USP4: variants seen among roughly 807,000 people sequenced by gnomAD.
The protein encoded by USP4 is ubiquitin specific peptidase 4.
Under a neutral mutation model 118.2 loss-of-function variants are expected in USP4, and 72 were observed. The ratio of observed to expected loss-of-function variants is 0.61; its 90% CI spans 0.50 to 0.74. The LOEUF (loss-of-function observed/expected upper bound fraction) is 0.74. USP4 is among the 30% of genes least tolerant of loss of function. The probability of loss-of-function intolerance (pLI) is 0.00; values close to 1 mark genes in which losing one functional copy is unlikely to be tolerated. For missense variants in USP4, 1,037 were observed against 1,185.7 expected, an observed-to-expected ratio of 0.87 and a Z score of 1.84; for synonymous variants, 415 against 440.4, an observed-to-expected ratio of 0.94 and a Z score of 0.72.
chr3:49,295,543 T>G (rs1264314593), intron 13 of USP4, among the ~76,000 whole-genome samples: 1 of 152,042 alleles, frequency 6.6e-6, no homozygotes, highest in Non-Finnish European at 1.5e-5. Flanking sequence ...AAATGTGTCT[T>G]ACTTAGTGAA....
Position 49,286,181 on chromosome 3 carries a change from A to G in USP4, c.2117T>C (p.Leu706Pro), listed in dbSNP as rs758636661. ...KIKGQPCPKR[L>P]FTFSLVNSYG... is the part of the protein sequence containing the mutation. ...GGAGTTCACAAGACTGAAGGTAAAA[A>G]GCCTTTTTGGGCAGGGCTGGCCTTT... The change falls in exon 16 of 22, where the codon CTT becomes CCT. Residue 706 changes from leucine to proline, a missense_variant. By Grantham distance (98) the Leu-to-Pro change is moderately conservative. Coordinates refer to ENST00000265560, the MANE Select transcript of USP4 (RefSeq NM_003363.4). 2.9e-5 allele frequency: 47 copies of G among 1,614,174 alleles called. 5 individuals are homozygous for G. The South Asian group carries it at 5.1e-4, about 17-fold the overall frequency.
intron 1 of USP4, 124 bp downstream of exon 1, chr3:49,339,800 C>CA: frequency 1.4e-6 from 1 of 703,398 alleles, no homozygotes; most frequent in Non-Finnish European, 2.4e-6. Flanking sequence ...GGGCAGGTGT[C>CA]AGGCTACTCT....
chr3:49,326,054 C>T (rs973264208), intron 3 of USP4, among the ~76,000 whole-genome samples: 4 of 152,134 alleles, frequency 2.6e-5, no homozygotes, highest in African/African-American at 7.2e-5. Context: ...TGGTGGCTCA[C>T]GCTTGTAATC....
chr3:49,285,321 C>T (rs2047081313), intron 16 of USP4, among the ~76,000 whole-genome samples: 2 of 151,926 alleles, frequency 1.3e-5, no homozygotes, highest in African/African-American at 4.8e-5. Flanking sequence ...AAAAAGAGAC[C>T]CCTACATCGC....
intron 1 of USP4, 93 bp from the exon 2 acceptor site, chr3:49,335,689 G>A: frequency 6.8e-7 from 1 of 1,469,174 alleles, no homozygotes; most frequent in Non-Finnish European, 9.4e-7. Context: ...CCTTCCACTT[G>A]GGGCATATGC....
chr3:49,317,260 A>G, intron 6 of USP4: 1 of 1,540,380 alleles, frequency 6.5e-7, no homozygotes, highest in Non-Finnish European at 8.9e-7. Context: ...CTTGCGTGCC[A>G]GGTTCTCGTT....
chr3:49,325,218 G>A (rs199697165), intron 4 of USP4, among the ~76,000 whole-genome samples, 179 bp from the exon 5 acceptor site: 1 of 152,072 alleles, frequency 6.6e-6, no homozygotes, highest in East Asian at 1.9e-4. Context: ...TCATATGCCT[G>A]GAAAGTATCC....
At chr3:49,278,647 G>A (rs1283988127) in intron 21 of USP4, among the ~76,000 whole-genome samples, 167 bp downstream of exon 21, 1 of 152,142 alleles carries the variant, frequency 6.6e-6, no homozygotes, top group Admixed American at 6.6e-5. Flanking sequence ...GAGGAGAGCT[G>A]AGCTTCTCAT....
chr3:49,328,511 T>G (rs1032110107), intron 2 of USP4, among the ~76,000 whole-genome samples: 1 of 152,132 alleles, frequency 6.6e-6, no homozygotes. Flanking sequence ...GAAACCATTT[T>G]CTTTGCTCAC....
At chr3:49,306,087 AG>A (rs2047312713) in intron 8 of USP4, among the ~76,000 whole-genome samples, 199 bp from the exon 9 acceptor site, 1 of 152,118 alleles carries the variant, frequency 6.6e-6, no homozygotes, top group South Asian at 2.1e-4. Flanking sequence ...CTAATCTCGG[AG>A]GGACGTGGTC....
At chr3:49,302,085 C>T (rs370069078) in intron 10 of USP4, among the ~76,000 whole-genome samples, 6 of 151,262 alleles carry the variant, frequency 4.0e-5, no homozygotes, top group Admixed American at 6.6e-5. Context: ...CAGTGCCTCA[C>T]GCCTGTTGTA....
chr3:49,311,457 A>G (rs2047381845), intron 7 of USP4, 57 bp downstream of exon 7: 3 of 1,592,236 alleles, frequency 1.9e-6, no homozygotes, highest in South Asian at 1.1e-5. Flanking sequence ...AGCTCTCAAG[A>G]TACAGCCTGG....
intron 6 of USP4, chr3:49,317,608 A>G (rs1180021961): frequency 3.5e-6 from 2 of 576,526 alleles, no homozygotes; most frequent in Admixed American, 3.4e-5. Flanking sequence ...GTGGCGTGAT[A>G]TCGGCTCACT....
In USP4 at chr3:49,299,708, G is replaced by A. The variant is rs369155620; in HGVS notation, c.1512+759C>T. Among the ~76,000 whole-genome samples the A allele has an allele frequency of 1.8e-3, 267 of 152,128 alleles. 8 individuals are homozygous for A. The South Asian group carries it at 0.053, about 30-fold the overall frequency. On this transcript the variant is annotated intron_variant, in intron 11 of 21. Transcript: ENST00000265560. ...CGCCCGGCCCTCAACTTTCTTTAGA[G>A]ACAAAGAAACCAAAACCAGAAGGCT...
At chr3:49,326,707 C>CT (rs72492740) in intron 3 of USP4, among the ~76,000 whole-genome samples, 77,357 of 138,214 alleles carry the variant, frequency 0.56, 22,304 homozygotes, top group East Asian at 0.94. Context: ...ATCAAAGACT[C>CT]TTTTTTTTTT....
Position 49,294,497 on chromosome 3 carries a change from G to A in USP4, c.1793C>T (p.Ser598Leu), listed in dbSNP as rs2047182769. The change falls in exon 14 of 22, where the codon TCA (serine) becomes TTA (leucine). Residue 598 changes from serine (S) to leucine (L), a missense_variant. Coordinates refer to ENST00000265560, the MANE Select transcript of USP4 (RefSeq NM_003363.4). Reference sequence around the variant, plus strand: ...CAATAGTGGCTGCCCATATAGCGCTGATGCGGAGGAAGTGCTTGATGGCCT... The same window carrying A: ...CAATAGTGGCTGCCCATATAGCGCTAATGCGGAGGAAGTGCTTGATGGCCT... The part of the protein sequence containing the change: ...KSRPSSTSSA[S>L]ALYGQPLLLS... 6.2e-7 allele frequency: 1 copy of A among 1,614,090 alleles called. No homozygotes were observed. Among genetic ancestry groups the A allele is most frequent in the Admixed American group, 1.7e-5 (1 of 60,000 alleles).
At chr3:49,317,237 T>G in intron 6 of USP4, 2 of 1,538,168 alleles carry the variant, frequency 1.3e-6, no homozygotes, top group Non-Finnish European at 1.8e-6. Context: ...TAGAACTTAC[T>G]GCAAGAGGCA....
At chr3:49,325,186 TC>T in intron 4 of USP4, 147 bp from the exon 5 acceptor site, 1 of 1,026,946 alleles carries the variant, frequency 9.7e-7, no homozygotes, top group Non-Finnish European at 1.4e-6. Context: ...ATCAATCATC[TC>T]CCATGGGTGG....
chr3:49,339,720 A>G (rs568389436), intron 1 of USP4, among the ~76,000 whole-genome samples: 43 of 152,112 alleles, frequency 2.8e-4, no homozygotes, highest in Admixed American at 1.1e-3. Flanking sequence ...TAGGGCTCCA[A>G]ATGAACTGAG....
Sources: allele counts gnomAD v4.1 joint callset (sites outside exome capture counted in the v4.1 genomes callset), GRCh38; gene constraint gnomAD v4.1.1; transcripts MANE v1.5; gene names NCBI Gene and HGNC (gene_info 2026-07-23, HGNC 2026-07-21).